Variants in FCN2 observed in about 807,000 individuals in gnomAD.
FCN2 encodes ficolin 2.
FCN2 carries 31 observed loss-of-function variants against 32.5 expected under a neutral mutation model. That is an observed-to-expected ratio of 0.96 (90% CI 0.72 to 1.29). FCN2 has a LOEUF of 1.29. Among genes scored for constraint, FCN2 ranks in the 50% most tolerant of loss-of-function variants. The pLI, the probability that FCN2 is intolerant of heterozygous loss-of-function variation, is 0.00. For synonymous variants in FCN2, 181 were observed against 164.5 expected (o/e 1.10, Z -0.77); for missense variants, 412 against 406.5 (o/e 1.01, Z -0.12).
intron 3 of FCN2, 122 bp from the exon 4 acceptor site, chr9:134,884,618 T>C: frequency 1.0e-6 from 1 of 989,724 alleles, no homozygotes; most frequent in Non-Finnish European, 1.6e-6. Flanking sequence ...AGGGACTCCT[T>C]GGCTGGACCC....
chr9:134,886,293 C>T lies in FCN2; in HGVS notation c.560-137C>T, dbSNP rs182139692. 8.1e-3 allele frequency: 8,291 copies of T among 1,023,234 alleles called. 538 individuals are homozygous for T. The Admixed American group carries it at 0.12, about 15-fold the overall frequency. The allele number at this position is 1,023,234 out of a possible 1,614,324, so 63.4% of individuals were successfully genotyped here. A position where few individuals can be genotyped will look rare whatever the true frequency, so the allele number is the denominator to read the frequency against. On this transcript the variant is annotated intron_variant, in intron 6 of 7. Coordinates refer to ENST00000291744, the MANE Select transcript of FCN2 (RefSeq NM_004108.3). ...TGCCGGGTCAGAGCTACACAGGCCCCGGGGATGCTGCGGTGCTCTCCGCCC... is the reference window on the plus strand; with the variant it reads ...TGCCGGGTCAGAGCTACACAGGCCCTGGGGATGCTGCGGTGCTCTCCGCCC...
chr9:134,871,384 T>C, the FCN2 span, among the ~76,000 whole-genome samples: 6 of 152,220 alleles, frequency 3.9e-5, no homozygotes, highest in Non-Finnish European at 5.9e-5. Context: ...GGGGGGCTCA[T>C]GCCTGGCATC....
the FCN2 span, chr9:134,868,158 CAAG>C: frequency 6.6e-6 from 1 of 152,390 alleles, no homozygotes; most frequent in East Asian, 1.9e-4. This position sits in a 1 kb window ranked among gnomAD's most constrained non-coding sequence, Gnocchi z 4.3. Context: ...GAGGACAGAC[CAAG>C]GACCCAGCGG....
the FCN2 span, among the ~76,000 whole-genome samples, chr9:134,864,403 C>G: frequency 6.6e-6 from 1 of 152,202 alleles, no homozygotes; most frequent in Non-Finnish European, 1.5e-5. Context: ...GTGGGGCCTG[C>G]GGAAGACAGC....
At chr9:134,885,472 G>T in intron 5 of FCN2, 106 bp downstream of exon 5, 1 of 1,517,112 alleles carries the variant, frequency 6.6e-7, no homozygotes, top group Non-Finnish European at 8.9e-7. Flanking sequence ...CCTGGTCGGG[G>T]ACAGTCAGAG....
In FCN2 at chr9:134,885,170, C is replaced by T. The variant is rs565452727; in HGVS notation, c.302-69C>T. 1.4e-5 allele frequency: 23 copies of T among 1,605,446 alleles called. No homozygotes were observed. The East Asian group carries it at 4.5e-4, about 31-fold the overall frequency. ...ATGGCCCTGCTTCTTCCTCCCAGGC[C>T]TCCCTCCTACTGCCTGTGCCCTGCC... On this transcript the variant is annotated intron_variant, in intron 4 of 7. Transcript: ENST00000291744.
At position 134,885,883 on chromosome 9, in the gene FCN2, C is replaced by A; in HGVS notation, c.545C>A (p.Ala182Asp). The A allele has an allele frequency of 3.1e-6, 5 of 1,613,264 alleles. No homozygotes were observed. Among genetic ancestry groups the A allele is most frequent in the Non-Finnish European group, 4.2e-6 (5 of 1,179,652 alleles). Residue 182 changes from alanine (A) to aspartate (D), a missense_variant, in exon 6 of 8, where the codon GCC becomes GAC. Transcript: ENST00000291744. ...EFWLGNDNIH[A>D]LTAQGTSELR... ...TGGCTGGGGAATGACAACATCCACG[C>A]CCTGACCGCCCAGGGTAGGGCCGCT...
chr9:134,870,158 C>A, the FCN2 span, among the ~76,000 whole-genome samples: 1 of 152,194 alleles, frequency 6.6e-6, no homozygotes, highest in Non-Finnish European at 1.5e-5. The surrounding 1 kb of genome is among the most constrained non-coding windows in gnomAD (Gnocchi z 4.3). Flanking sequence ...TGGCAAACCC[C>A]CCTCTGTGGG....
At chr9:134,886,974 C>T (rs973911757) in intron 7 of FCN2, among the ~76,000 whole-genome samples, 194 bp from the exon 8 acceptor site, 1 of 152,180 alleles carries the variant, frequency 6.6e-6, no homozygotes. Flanking sequence ...GACCTAAAGA[C>T]AATTTGCCAA....
the FCN2 span, among the ~76,000 whole-genome samples, chr9:134,872,582 C>T: frequency 1.3e-5 from 2 of 152,296 alleles, no homozygotes; most frequent in Admixed American, 1.3e-4. Context: ...TCACCATCAT[C>T]GCAGAAGGCA....
chr9:134,881,551 G>GT (rs941133955), intron 1 of FCN2, among the ~76,000 whole-genome samples: 8 of 152,206 alleles, frequency 5.3e-5, no homozygotes, highest in Non-Finnish European at 8.8e-5. Flanking sequence ...AGGTTCTGGA[G>GT]TCAGGTCCTG....
chr9:134,887,504 A>G lies in FCN2; in HGVS notation c.*89A>G, dbSNP rs1045118496. 1.6e-6 allele frequency: 2 copies of G among 1,267,622 alleles called. No homozygotes were observed. Among genetic ancestry groups the G allele is most frequent in the Admixed American group, 3.7e-5 (2 of 53,612 alleles). The allele number at this position is 1,267,622 out of a possible 1,614,324, so 78.5% of individuals were successfully genotyped here. ...CTTGGCCCTACGGTTTGTAAAAGAA[A>G]CACATGTCGTGATTCTAAATTGGGT... On this transcript the variant is annotated 3_prime_UTR_variant, in exon 8 of 8. Coordinates refer to ENST00000291744, the MANE Select transcript of FCN2 (RefSeq NM_004108.3).
Position 134,884,725 on chromosome 9 carries a change from C to G in FCN2, c.269-15C>G. 6.2e-7 allele frequency: 1 copy of G among 1,613,702 alleles called. No individual in the cohort carries two copies. The highest frequency in any genetic ancestry group is 8.5e-7 in the Non-Finnish European group (1 of 1,179,658). On this transcript the variant is annotated splice_polypyrimidine_tract_variant and intron_variant, in intron 3 of 7. Coordinates refer to ENST00000291744, the MANE Select transcript of FCN2 (RefSeq NM_004108.3). ...CCAAACTGTGACACGTGTGTCCTCT[C>G]TCATCCATGAACAGGAGCACCTGGG... is the stretch of plus-strand genomic sequence containing the variant.
the FCN2 span, among the ~76,000 whole-genome samples, chr9:134,869,257 C>T: frequency 3.9e-5 from 6 of 152,272 alleles, no homozygotes; most frequent in African/African-American, 9.6e-5. Flanking sequence ...TCATCAAGAA[C>T]AAAGCAAAGA....
intron 1 of FCN2, 72 bp from the exon 2 acceptor site, chr9:134,882,454 G>A (rs1564206358): frequency 1.6e-6 from 2 of 1,226,212 alleles, no homozygotes; most frequent in African/African-American, 1.5e-5. Flanking sequence ...TTTCAGTTGA[G>A]TGGTATATCT....
intron 7 of FCN2, among the ~76,000 whole-genome samples, 185 bp from the exon 8 acceptor site, chr9:134,886,983 A>T (rs889513361): frequency 1.3e-5 from 2 of 152,194 alleles, no homozygotes; most frequent in Non-Finnish European, 2.9e-5. Context: ...ACAATTTGCC[A>T]AGACCACTGC....
chr9:134,873,964 G>A, the FCN2 span, among the ~76,000 whole-genome samples: 9 of 150,034 alleles, frequency 6.0e-5, no homozygotes, highest in African/African-American at 2.0e-4. Context: ...AGGGTGGAGT[G>A]CTGTGGCCCA....
At chr9:134,881,021 C>T (rs878981670) in intron 1 of FCN2, 100 bp downstream of exon 1, 14 of 832,038 alleles carry the variant, frequency 1.7e-5, no homozygotes, top group Admixed American at 1.2e-4. Flanking sequence ...TGCACCAGGC[C>T]GTGTGGAGCA....
intron 5 of FCN2, 57 bp from the exon 6 acceptor site, chr9:134,885,711 C>G (rs1427870262): frequency 5.6e-6 from 9 of 1,612,256 alleles, no homozygotes; most frequent in Non-Finnish European, 7.6e-6. Context: ...GCGGGTCCCC[C>G]GTGCTGTGGG....
Sources: gnomAD v4.1 joint callset for allele counts (sites outside exome capture counted in the v4.1 genomes callset) on GRCh38, gnomAD v4.1.1 for gene constraint, Gnocchi (gnomAD v3.1) non-coding constraint, MANE v1.5 for transcripts, NCBI Gene and HGNC (gene_info 2026-07-23, HGNC 2026-07-21) for gene names.